The following GPC5 variants were observed in gnomAD, a reference collection of about 807,000 sequenced individuals.
The protein encoded by GPC5 is glypican 5, also known as glypican-5.
GPC5 carries 47 observed loss-of-function variants against 53.9 expected under a neutral mutation model. That is an observed-to-expected ratio of 0.87 (90% CI 0.69 to 1.11). The LOEUF is 1.11. Ranked by LOEUF, GPC5 falls within the 50% of genes most tolerant of loss-of-function variation. The probability of loss-of-function intolerance (pLI) is 0.00; values close to 1 mark genes in which losing one functional copy is unlikely to be tolerated. For synonymous variants in GPC5, 286 were observed against 263.3 expected (o/e 1.09, Z -0.84); for missense variants, 748 against 713.1 (o/e 1.05, Z -0.56).
intron 7 of GPC5, among the ~76,000 whole-genome samples, chr13:92,675,371 C>T (rs1280671288): frequency 6.6e-6 from 1 of 152,052 alleles, no homozygotes; most frequent in Non-Finnish European, 1.5e-5. Context: ...TATACCATTG[C>T]TCATTGCTTC....
At chr13:92,155,909 A>G (rs545885988) in intron 7 of GPC5, among the ~76,000 whole-genome samples, 11 of 152,230 alleles carry the variant, frequency 7.2e-5, no homozygotes, top group African/African-American at 2.6e-4. Context: ...TGTGCTTACT[A>G]TGTTTGCAGA....
intron 1 of GPC5, among the ~76,000 whole-genome samples, chr13:91,437,178 C>T (rs1414757659): frequency 2.6e-5 from 4 of 152,122 alleles, no homozygotes; most frequent in Non-Finnish European, 4.4e-5. Flanking sequence ...GAGCATTTAG[C>T]CCATTTACAT....
At chr13:92,342,647 A>C (rs189454426) in intron 7 of GPC5, among the ~76,000 whole-genome samples, 1 of 152,010 alleles carries the variant, frequency 6.6e-6, no homozygotes, top group African/African-American at 2.4e-5. Context: ...TTTCTTTTTT[A>C]AATTACCAAA....
chr13:91,957,914 C>G (rs997135864), intron 6 of GPC5, among the ~76,000 whole-genome samples: 3 of 151,958 alleles, frequency 2.0e-5, no homozygotes, highest in Admixed American at 6.6e-5. Context: ...AAAATTACCA[C>G]TACAGAAGAT....
chr13:92,158,444 C>T (rs1019633587), intron 7 of GPC5, among the ~76,000 whole-genome samples: 3 of 152,038 alleles, frequency 2.0e-5, no homozygotes, highest in Admixed American at 2.0e-4. Flanking sequence ...AGCTCTAGGT[C>T]TTCATTCAAT....
At chr13:91,540,027 T>A (rs2029871102) in intron 2 of GPC5, among the ~76,000 whole-genome samples, 2 of 152,174 alleles carry the variant, frequency 1.3e-5, no homozygotes, top group Non-Finnish European at 2.9e-5. Flanking sequence ...CAACAAAAAT[T>A]TTAAAATGTA....
At chr13:91,782,380 C>T (rs2037811524) in intron 5 of GPC5, among the ~76,000 whole-genome samples, 2 of 152,102 alleles carry the variant, frequency 1.3e-5, no homozygotes, top group Admixed American at 6.5e-5. Flanking sequence ...TTCTGCATGG[C>T]TGTGGAGGCC....
At chr13:92,567,793 T>C (rs1452114620) in intron 7 of GPC5, among the ~76,000 whole-genome samples, 1 of 152,168 alleles carries the variant, frequency 6.6e-6, no homozygotes, top group Non-Finnish European at 1.5e-5. Flanking sequence ...TGTGTTGGCC[T>C]CGTGACCTAC....
At chr13:92,541,997 A>G (rs1467428949) in intron 7 of GPC5, among the ~76,000 whole-genome samples, 1 of 151,928 alleles carries the variant, frequency 6.6e-6, no homozygotes, top group Non-Finnish European at 1.5e-5. Context: ...CTTGCACCAG[A>G]AAGGGTCTGT....
chr13:92,844,445 T>A (rs978585112), intron 7 of GPC5, among the ~76,000 whole-genome samples: 1 of 152,178 alleles, frequency 6.6e-6, no homozygotes, highest in Non-Finnish European at 1.5e-5. Flanking sequence ...AAAGGAAATC[T>A]GGCAGAAGAC....
chr13:91,482,848 G>A (rs1883379587), intron 2 of GPC5, among the ~76,000 whole-genome samples: 1 of 149,536 alleles, frequency 6.7e-6, no homozygotes, highest in Non-Finnish European at 1.5e-5. Context: ...CGTGACTCTT[G>A]CATATGAGAA....
rs533966866 is a variant in GPC5 at position 92,198,582 on chromosome 13, C to T, written c.1561+53593C>T. The stretch of plus-strand genomic sequence containing the variant: ...TGTGGATTAAATGTAGGCAGACTGG[C>T]AGTGAGTAAAGTCAGGATGTAGACA... On this transcript the variant is annotated intron_variant, in intron 7 of 7. Transcript: ENST00000377067. Among the ~76,000 whole-genome samples, 4 of 152,226 alleles carry T rather than the reference C, an allele frequency of 2.6e-5. 1 individual carries two copies. The highest frequency in any genetic ancestry group is 7.2e-5 in the African/African-American group (3 of 41,540).
intron 5 of GPC5, among the ~76,000 whole-genome samples, chr13:91,801,788 C>T (rs979144818): frequency 5.9e-5 from 9 of 152,246 alleles, no homozygotes; most frequent in African/African-American, 1.9e-4. Context: ...AAGTCACATA[C>T]CAAATAGTTA....
At chr13:91,540,318 G>T (rs1420985550) in intron 2 of GPC5, among the ~76,000 whole-genome samples, 1 of 152,164 alleles carries the variant, frequency 6.6e-6, no homozygotes, top group East Asian at 1.9e-4. Context: ...CCTGCCTCAA[G>T]ATCACTCTGG....
intron 7 of GPC5, among the ~76,000 whole-genome samples, chr13:92,790,259 T>C (rs575896063): frequency 5.7e-4 from 86 of 152,212 alleles, no homozygotes; most frequent in African/African-American, 1.9e-3. Flanking sequence ...CACTCAGTAT[T>C]AACCATCACA....
chr13:91,903,652 G>A (rs759808147), intron 5 of GPC5, among the ~76,000 whole-genome samples: 17 of 152,106 alleles, frequency 1.1e-4, no homozygotes, highest in South Asian at 2.1e-4. Context: ...AGTAATGTGT[G>A]TCTACTTTGC....
chr13:92,026,356 T>C (rs1482931940), intron 6 of GPC5, among the ~76,000 whole-genome samples: 4 of 151,894 alleles, frequency 2.6e-5, no homozygotes, highest in Non-Finnish European at 4.4e-5. Flanking sequence ...TTTTTTAAAG[T>C]AAATTCTAAG....
chr13:92,628,511 C>G (rs1419652620), intron 7 of GPC5, among the ~76,000 whole-genome samples: 2 of 151,958 alleles, frequency 1.3e-5, no homozygotes, highest in African/African-American at 4.8e-5. Flanking sequence ...ATTCCCGTGT[C>G]CATGCTCAGC....
intron 6 of GPC5, among the ~76,000 whole-genome samples, chr13:91,950,950 A>C (rs1243136797): frequency 2.0e-5 from 3 of 152,004 alleles, no homozygotes; most frequent in Non-Finnish European, 2.9e-5. Flanking sequence ...TGCCCACCAC[A>C]CCTAATACTA....
Sources: gnomAD v4.1 joint callset for allele counts (sites outside exome capture counted in the v4.1 genomes callset) on GRCh38, gnomAD v4.1.1 for gene constraint, MANE v1.5 for transcripts, NCBI Gene and HGNC (gene_info 2026-07-23, HGNC 2026-07-21) for gene names.